The following PCDH15 variants were observed in gnomAD, a reference collection of about 807,000 sequenced individuals.
PCDH15 encodes protocadherin-15.
Under a neutral mutation model 178.5 loss-of-function variants are expected in PCDH15, and 129 were observed. That is an observed-to-expected ratio of 0.72 (90% confidence interval 0.63 to 0.84). The LOEUF (loss-of-function observed/expected upper bound fraction) is 0.84. PCDH15 is among the 40% of genes least tolerant of loss of function. The pLI is 0.00. For missense variants in PCDH15, 2,230 were observed against 2,099.9 expected (o/e 1.06, Z -1.21); for synonymous variants, 800 against 732.0 (o/e 1.09, Z -1.50).
intron 3 of PCDH15, among the ~76,000 whole-genome samples, chr10:54,459,757 G>C (rs2077057148): frequency 6.6e-6 from 1 of 152,134 alleles, no homozygotes; most frequent in South Asian, 2.1e-4. Context: ...CCAGTGCTCA[G>C]ATGAAGGAAC....
At chr10:54,176,561 G>A (rs947240945) in intron 13 of PCDH15, among the ~76,000 whole-genome samples, 13 of 152,162 alleles carry the variant, frequency 8.5e-5, no homozygotes, top group African/African-American at 2.9e-4. Flanking sequence ...TTCATAACAT[G>A]AAGGGATGTA....
At chr10:55,517,997 A>G (rs1047667334) in intron 2 of PCDH15, among the ~76,000 whole-genome samples, 5 of 152,080 alleles carry the variant, frequency 3.3e-5, no homozygotes, top group African/African-American at 1.2e-4. Context: ...CTTAAATATC[A>G]CCTGAGAAAA....
At chr10:54,807,479 G>C (rs932834685) in intron 3 of PCDH15, among the ~76,000 whole-genome samples, 5 of 151,804 alleles carry the variant, frequency 3.3e-5, no homozygotes, top group African/African-American at 1.2e-4. Flanking sequence ...CTGTAGGATA[G>C]TGGCTACTAT....
At chr10:54,901,503 T>A (rs1954639852) in intron 2 of PCDH15, among the ~76,000 whole-genome samples, 1 of 152,194 alleles carries the variant, frequency 6.6e-6, no homozygotes, top group Non-Finnish European at 1.5e-5. Context: ...TAATGTGATT[T>A]ATTCATGAAT....
chr10:54,364,392 T>C (rs538971425), intron 5 of PCDH15, among the ~76,000 whole-genome samples: 12 of 152,266 alleles, frequency 7.9e-5, no homozygotes, highest in African/African-American at 2.9e-4. Flanking sequence ...TTATTGATTT[T>C]AAGCTCAATT....
At chr10:54,443,978 T>G (rs2136200147) in intron 3 of PCDH15, among the ~76,000 whole-genome samples, 1 of 151,794 alleles carries the variant, frequency 6.6e-6, no homozygotes, top group Non-Finnish European at 1.5e-5. Flanking sequence ...TCTTATTGAA[T>G]CTACATACAA....
At chr10:53,933,582 A>G (rs2085286373) in intron 25 of PCDH15, among the ~76,000 whole-genome samples, 1 of 152,270 alleles carries the variant, frequency 6.6e-6, no homozygotes, top group East Asian at 1.9e-4. Context: ...GTTGTTGGAC[A>G]TTTAGGTTGG....
intron 1 of PCDH15, among the ~76,000 whole-genome samples, chr10:55,306,044 C>A (rs971126160): frequency 3.9e-5 from 6 of 151,970 alleles, no homozygotes; most frequent in Non-Finnish European, 7.4e-5. Flanking sequence ...TTGAATTTAC[C>A]AATAAAATGG....
At chr10:55,301,960 CA>C (rs1170328297) in intron 1 of PCDH15, among the ~76,000 whole-genome samples, 5 of 152,116 alleles carry the variant, frequency 3.3e-5, no homozygotes, top group African/African-American at 9.7e-5. Flanking sequence ...ATCCTTCAGC[CA>C]AAACAGCACT....
At chr10:53,932,453 A>G (rs1230224567) in intron 25 of PCDH15, among the ~76,000 whole-genome samples, 1 of 152,156 alleles carries the variant, frequency 6.6e-6, no homozygotes, top group East Asian at 1.9e-4. Context: ...TTCTGTCTAC[A>G]TTTATCTGAT....
chr10:54,610,037 C>A (rs1211348141), intron 2 of PCDH15, among the ~76,000 whole-genome samples: 1 of 151,904 alleles, frequency 6.6e-6, no homozygotes, highest in Non-Finnish European at 1.5e-5. Flanking sequence ...AAATAGCCAT[C>A]AAAAATTGTT....
intron 13 of PCDH15, among the ~76,000 whole-genome samples, chr10:54,166,764 C>T (rs113525524): frequency 1.5e-5 from 1 of 68,450 alleles, no homozygotes; most frequent in African/African-American, 3.5e-5. Flanking sequence ...TGAAGAATCA[C>T]AAAAGAAGTG....
chr10:53,944,755 A>G (rs963493492), intron 23 of PCDH15, among the ~76,000 whole-genome samples: 21 of 152,212 alleles, frequency 1.4e-4, no homozygotes, highest in Admixed American at 8.5e-4. Context: ...TTTTCCAAAG[A>G]TGGCTAAGAG....
chr10:55,187,689 T>C (rs1049845518), intron 1 of PCDH15, among the ~76,000 whole-genome samples: 2 of 151,998 alleles, frequency 1.3e-5, no homozygotes, highest in African/African-American at 4.8e-5. Flanking sequence ...AAGTGACCTA[T>C]GAGCCAATAT....
intron 25 of PCDH15, among the ~76,000 whole-genome samples, chr10:53,908,422 A>T (rs1371771311): frequency 6.6e-6 from 1 of 152,224 alleles, no homozygotes; most frequent in Non-Finnish European, 1.5e-5. Flanking sequence ...ACATGCCTTT[A>T]ATGTGGAACT....
intron 1 of PCDH15, among the ~76,000 whole-genome samples, chr10:54,725,565 T>TATATATATATATGTATAA (rs71014409): frequency 7.4e-6 from 1 of 135,910 alleles, no homozygotes; most frequent in African/African-American, 2.6e-5. Flanking sequence ...TATATATATA[T>TATATATATATATGTATAA]AATTGGAAAC....
At chr10:54,910,719 G>A (rs1245850598) in intron 2 of PCDH15, among the ~76,000 whole-genome samples, 1 of 152,150 alleles carries the variant, frequency 6.6e-6, no homozygotes, top group Non-Finnish European at 1.5e-5. Flanking sequence ...AATAAGGTAT[G>A]CAAAACAATA....
At chr10:54,863,768 A>G (rs1177401995) in intron 3 of PCDH15, among the ~76,000 whole-genome samples, 1 of 152,198 alleles carries the variant, frequency 6.6e-6, no homozygotes, top group Admixed American at 6.5e-5. Context: ...AGTCAGGGTT[A>G]AAGTTGATAT....
intron 1 of PCDH15, among the ~76,000 whole-genome samples, chr10:54,670,274 A>G (rs1283701072): frequency 6.6e-6 from 1 of 152,176 alleles, no homozygotes; most frequent in African/African-American, 2.4e-5. Flanking sequence ...AGTTGTAAAC[A>G]TTAGATGAGA....
Sources: gnomAD v4.1 joint callset for allele counts (sites outside exome capture counted in the v4.1 genomes callset) on GRCh38, gnomAD v4.1.1 for gene constraint, MANE v1.5 for transcripts, NCBI Gene and HGNC (gene_info 2026-07-23, HGNC 2026-07-21) for gene names.